CUL4A: variants seen among roughly 807,000 people sequenced by gnomAD.
The protein encoded by CUL4A is cullin 4A.
In CUL4A, 16 loss-of-function variants were observed where a neutral mutation model predicts 95.5. That is an observed-to-expected ratio of 0.17 (90% CI 0.11 to 0.25). CUL4A has a LOEUF of 0.25. Ranked by LOEUF, CUL4A falls within the 10% of genes least tolerant of loss-of-function variation. The probability of loss-of-function intolerance (pLI) is 1.00; values close to 1 mark genes in which losing one functional copy is unlikely to be tolerated. For missense variants in CUL4A, 610 were observed against 937.0 expected (o/e 0.65, Z 4.56); for synonymous variants, 380 against 353.1 (o/e 1.08, Z -0.85).
At chr13:113,251,695 T>A (rs1249716871) in intron 15 of CUL4A, among the ~76,000 whole-genome samples, 1 of 152,176 alleles carries the variant, frequency 6.6e-6, no homozygotes, top group Non-Finnish European at 1.5e-5. Context: ...ACGTGCCTGC[T>A]TTTTTCCCCT....
intron 2 of CUL4A, among the ~76,000 whole-genome samples, chr13:113,210,335 G>T (rs1396823727): frequency 6.6e-6 from 1 of 152,234 alleles, no homozygotes; most frequent in African/African-American, 2.4e-5. Flanking sequence ...GGAAGAGAAG[G>T]AGGTGTGTTT....
upstream of CUL4A, chr13:113,208,666 C>G (rs1468122816): frequency 6.3e-7 from 1 of 1,597,426 alleles, no homozygotes; most frequent in Non-Finnish European, 8.5e-7. Flanking sequence ...GCGCCACCCC[C>G]TACGCCTCAA....
At position 113,231,465 on chromosome 13, in the gene CUL4A, G is replaced by T. The variant is rs963821381; in HGVS notation, c.513-1712G>T. 2.6e-5 allele frequency among the ~76,000 whole-genome samples: 4 copies of T among 152,160 alleles called. 1 individual carries two copies. Among genetic ancestry groups the T allele is most frequent in the Admixed American group, 2.6e-4 (4 of 15,282 alleles). ...GGGGAGTGGGAGGTGGGGAGGGATA[G>T]AGCTGATGAGGGCCCTGAAGGGTTT... On this transcript the variant is annotated intron_variant, in intron 5 of 19. Coordinates refer to ENST00000375440, the MANE Select transcript of CUL4A (RefSeq NM_001008895.4).
At chr13:113,225,959 C>T (rs1195787099) in intron 3 of CUL4A, among the ~76,000 whole-genome samples, 2 of 152,214 alleles carry the variant, frequency 1.3e-5, no homozygotes, top group Non-Finnish European at 2.9e-5. Flanking sequence ...GAGAATTCTG[C>T]AAAGCCTCAA....
In CUL4A at chr13:113,237,589, G is replaced by GC. The variant is rs139403742; in HGVS notation, c.916+700dup. ...CTGAATTCTATGAAAATTACAATGA[G>GC]CAGTCTAACCTTTGTAACACTTTAG... On this transcript the variant is annotated intron_variant, in intron 9 of 19. Coordinates refer to ENST00000375440, the MANE Select transcript of CUL4A (RefSeq NM_001008895.4). Among the ~76,000 whole-genome samples, 1,051 of 152,266 alleles carry GC rather than the reference G, an allele frequency of 6.9e-3. 15 individuals carry two copies. Among genetic ancestry groups the GC allele is most frequent in the African/African-American group, 0.024 (991 of 41,556 alleles).
chr13:113,233,322 A>C lies in CUL4A; in HGVS notation c.658A>C (p.Met220Leu), dbSNP rs1424800726. The C allele has an allele frequency of 6.2e-7, 1 of 1,612,828 alleles. No homozygotes were observed. The highest frequency in any genetic ancestry group is 8.5e-7 in the Non-Finnish European group (1 of 1,179,844). Residue 220 changes from methionine to leucine, a missense_variant, in exon 6 of 20, where the codon ATG becomes CTG. Met to Leu is a conservative substitution (Grantham distance 15). Transcript: ENST00000375440. ...GAGCCTGTTGCGGAGCCTCCTGGGC[A>C]TGCTGTCTGACCTGCAGGTGAGTGC... ...DRSLLRSLLG[M>L]LSDLQVYKDS...
intron 19 of CUL4A, among the ~76,000 whole-genome samples, chr13:113,262,218 G>C (rs2042299288): frequency 6.6e-6 from 1 of 152,270 alleles, no homozygotes; most frequent in Non-Finnish European, 1.5e-5. Context: ...AGCAGAGCTG[G>C]AGTGGCTGTT....
rs778710266 is a variant in CUL4A at position 113,239,478 on chromosome 13, A to G, written c.962A>G (p.Gln321Arg). Reference protein sequence around the residue: ...LDENRVPDLAQMYQLFSRVRG... With the variant: ...LDENRVPDLARMYQLFSRVRG... ...GAGAACAGAGTGCCGGACCTCGCAC[A>G]GATGTACCAGCTGTTCAGCCGGGTG... The change falls in exon 10 of 20, where the codon CAG becomes CGG. Residue 321 changes from glutamine (Q) to arginine (R), a missense_variant. Around this residue, in one of 10 missense-constraint regions of CUL4A, gnomAD observed 153 missense variants for 244.5 expected, o/e 0.63. Transcript: ENST00000375440. 18 of 1,613,902 alleles carry G rather than the reference A, an allele frequency of 1.1e-5. No homozygotes were observed. Among genetic ancestry groups the G allele is most frequent in the Non-Finnish European group, 9.3e-6 (11 of 1,179,984 alleles).
At chr13:113,245,835 A>G in intron 14 of CUL4A, 121 bp from the exon 15 acceptor site, 3 of 754,002 alleles carry the variant, frequency 4.0e-6, no homozygotes, top group Non-Finnish European at 6.3e-6. Flanking sequence ...CATTCTGGGG[A>G]CTGAGATAAA....
rs9577217 is a variant in CUL4A at position 113,229,943 on chromosome 13, G to A, written c.512+424G>A. 0.02 allele frequency: 7,858 copies of A among 399,622 alleles called. 648 individuals are homozygous for A. In the East Asian group the frequency reaches 0.2, roughly 10 times the overall value. The allele number at this position is 399,622 out of a possible 1,614,324, so 24.8% of individuals were successfully genotyped here. On this transcript the variant is annotated intron_variant, in intron 5 of 19. Coordinates refer to ENST00000375440, the MANE Select transcript of CUL4A (RefSeq NM_001008895.4). ...AGCCTCCCGGCCTCCTGAGCACATA[G>A]CACTCATCGTCCGTCATCTTTCGGG...
chr13:113,218,280 T>TA (rs1567015229), intron 2 of CUL4A, among the ~76,000 whole-genome samples: 1 of 151,874 alleles, frequency 6.6e-6, no homozygotes, highest in Non-Finnish European at 1.5e-5. Context: ...GTTCACAGAA[T>TA]AAAAAAGAAA....
intron 18 of CUL4A, among the ~76,000 whole-genome samples, chr13:113,256,046 A>G (rs2042111842): frequency 1.3e-5 from 2 of 151,928 alleles, no homozygotes; most frequent in South Asian, 4.2e-4. Flanking sequence ...TTTTAGTGGG[A>G]TCACTAAGCC....
intron 19 of CUL4A, among the ~76,000 whole-genome samples, chr13:113,261,489 A>G (rs2042274392): frequency 6.6e-6 from 1 of 152,202 alleles, no homozygotes; most frequent in Non-Finnish European, 1.5e-5. Flanking sequence ...GCCACTGTCC[A>G]TCAGCCCACA....
intron 11 of CUL4A, 74 bp from the exon 12 acceptor site, chr13:113,244,336 C>G: frequency 9.4e-7 from 1 of 1,059,242 alleles, no homozygotes; most frequent in Non-Finnish European, 1.4e-6. Context: ...TGTTCCTGTA[C>G]AATGTTGCTA....
chr13:113,254,548 T>C (rs940034094), intron 16 of CUL4A, 145 bp from the exon 17 acceptor site: 1 of 550,060 alleles, frequency 1.8e-6, no homozygotes. Context: ...TGAGCTGAGA[T>C]TGTGCCACTG....
At chr13:113,252,901 G>GAA (rs1195580539) in intron 15 of CUL4A, among the ~76,000 whole-genome samples, 181 bp from the exon 16 acceptor site, 15 of 152,214 alleles carry the variant, frequency 9.9e-5, no homozygotes, top group Non-Finnish European at 2.1e-4. Context: ...TTGACACTGA[G>GAA]AAGCCCCAAA....
chr13:113,249,200 G>C (rs754586600), intron 15 of CUL4A, among the ~76,000 whole-genome samples: 1 of 152,086 alleles, frequency 6.6e-6, no homozygotes, highest in Admixed American at 6.6e-5. Context: ...TGTTTTCAAA[G>C]TCCATCCGTG....
chr13:113,234,349 CAAA>C (rs1165123518), intron 7 of CUL4A, among the ~76,000 whole-genome samples: 1 of 151,826 alleles, frequency 6.6e-6, no homozygotes. Context: ...AAAATTTTCC[CAAA>C]AAAAGCTGTG....
chr13:113,257,218 C>CCCGGCA (rs2042153001), intron 18 of CUL4A, among the ~76,000 whole-genome samples: 1 of 151,902 alleles, frequency 6.6e-6, no homozygotes, highest in Non-Finnish European at 1.5e-5. Flanking sequence ...AGCCACCATG[C>CCCGGCA]CCAGCCTGCT....
Sources: gnomAD v4.1 joint callset for allele counts (sites outside exome capture counted in the v4.1 genomes callset) on GRCh38, gnomAD v4.1.1 for gene constraint, gnomAD v4.1.1 regional missense constraint, MANE v1.5 for transcripts, NCBI Gene and HGNC (gene_info 2026-07-23, HGNC 2026-07-21) for gene names.